Variants in CDC40 observed in about 807,000 individuals in gnomAD.
CDC40 encodes the protein pre-mRNA-processing factor 17.
A neutral mutation model predicts 80.6 loss-of-function variants in CDC40; 27 were observed. The ratio of observed to expected loss-of-function variants is 0.33; its 90% CI spans 0.25 to 0.46. The LOEUF is 0.46. CDC40 is among the 20% of genes least tolerant of loss of function. CDC40 has a pLI of 1.00. For missense variants in CDC40, 486 were observed against 694.1 expected (o/e 0.70, Z 3.37); for synonymous variants, 221 against 232.6 (o/e 0.95, Z 0.45).
chr6:110,182,501 G>T (rs900863443), intron 1 of CDC40, among the ~76,000 whole-genome samples: 1 of 152,144 alleles, frequency 6.6e-6, no homozygotes, highest in Admixed American at 6.5e-5. Flanking sequence ...AGTTGAAGCC[G>T]AGAACAAAGA....
chr6:110,229,033 G>A, intron 14 of CDC40, 57 bp downstream of exon 14: 2 of 1,344,738 alleles, frequency 1.5e-6, no homozygotes, highest in Non-Finnish European at 2.1e-6. Context: ...ATAAACTGTT[G>A]TTGTACAAAT....
intron 1 of CDC40, among the ~76,000 whole-genome samples, chr6:110,182,511 A>G (rs75153891): frequency 0.073 from 11,087 of 152,270 alleles, 548 homozygotes; most frequent in African/African-American, 0.14. Flanking sequence ...GAGAACAAAG[A>G]AGGTATCCTT....
chr6:110,210,718 A>G lies in CDC40; in HGVS notation c.642A>G (p.Lys214=), dbSNP rs1354457799. The part of the protein sequence containing the change: ...DVAKPSEEEQ[K]ELDEITAKRQ... Reference sequence around the variant, plus strand: ...CTTAATTTTCTTAGGAAGAGCAAAAAGAATTGGATGAAATCACAGCAAAGA... The same window carrying G: ...CTTAATTTTCTTAGGAAGAGCAAAAGGAATTGGATGAAATCACAGCAAAGA... The change falls in exon 6 of 15, where the codon AAA becomes AAG. Residue 214 remains lysine (K), a synonymous_variant. Coordinates refer to ENST00000307731, the MANE Select transcript of CDC40 (RefSeq NM_015891.3). The G allele has an allele frequency of 1.7e-5, 26 of 1,557,534 alleles. No homozygotes were observed. The highest frequency in any genetic ancestry group is 2.3e-5 in the Non-Finnish European group (26 of 1,155,134).
intron 5 of CDC40, among the ~76,000 whole-genome samples, chr6:110,210,082 A>C (rs1382831410): frequency 6.6e-6 from 1 of 152,068 alleles, no homozygotes. Context: ...CTGAAACTAG[A>C]TTTTCTGATT....
intron 4 of CDC40, among the ~76,000 whole-genome samples, chr6:110,208,116 A>G (rs1249399123): frequency 6.6e-6 from 1 of 152,236 alleles, no homozygotes; most frequent in African/African-American, 2.4e-5. Flanking sequence ...AAGCCTCATC[A>G]GTCCATTAGA....
intron 1 of CDC40, among the ~76,000 whole-genome samples, chr6:110,192,691 G>T (rs935511790): frequency 6.6e-6 from 1 of 152,184 alleles, no homozygotes; most frequent in African/African-American, 2.4e-5. Context: ...TCTGGGGAAT[G>T]AATTTAAGAT....
chr6:110,202,219 A>G (rs1584070110), intron 3 of CDC40, among the ~76,000 whole-genome samples: 1 of 152,172 alleles, frequency 6.6e-6, no homozygotes, highest in Admixed American at 6.5e-5. Context: ...AACTGCTTGT[A>G]TAGAGGATTA....
At chr6:110,200,204 ATGT>A (rs1007789001) in intron 2 of CDC40, among the ~76,000 whole-genome samples, 22 of 152,250 alleles carry the variant, frequency 1.4e-4, no homozygotes, top group Non-Finnish European at 2.5e-4. Flanking sequence ...ATATATAGGA[ATGT>A]TGTAGCAATT....
chr6:110,226,019 C>T, intron 12 of CDC40, 148 bp from the exon 13 acceptor site: 1 of 582,032 alleles, frequency 1.7e-6, no homozygotes, highest in South Asian at 2.4e-5. Flanking sequence ...TGTGATTTTT[C>T]TTCTTCCAGA....
rs554172298 is a variant in CDC40 at position 110,193,561 on chromosome 6, CG to C, written c.276+294del. ...CTGGGACTACAGGCGCCCACCACCA[CG>C]CCTGGCTAATTTTTTTGTATTTTTA... On this transcript the variant is annotated intron_variant, in intron 2 of 14. Coordinates refer to ENST00000307731, the MANE Select transcript of CDC40 (RefSeq NM_015891.3). Among the ~76,000 whole-genome samples the C allele has an allele frequency of 5.2e-3, 795 of 152,178 alleles. 9 individuals are homozygous for C. The highest frequency in any genetic ancestry group is 0.019 in the African/African-American group (774 of 41,534).
Position 110,210,694 on chromosome 6 carries a change from T to G in CDC40, c.631-13T>G. On this transcript the variant is annotated splice_polypyrimidine_tract_variant and intron_variant, in intron 5 of 14. Coordinates refer to ENST00000307731, the MANE Select transcript of CDC40 (RefSeq NM_015891.3). ...GAACATTCATTTTAAATTTCACTCC[T>G]TAATTTTCTTAGGAAGAGCAAAAAG... The G allele has an allele frequency of 6.7e-7, 1 of 1,482,116 alleles. No homozygotes were observed. The highest frequency in any genetic ancestry group is 1.4e-5 in the African/African-American group (1 of 69,538). The allele number at this position is 1,482,116 out of a possible 1,614,324, so 91.8% of individuals were successfully genotyped here. A position where few individuals can be genotyped will look rare whatever the true frequency, so the allele number is the denominator to read the frequency against.
intron 1 of CDC40, among the ~76,000 whole-genome samples, chr6:110,181,678 C>T (rs1777196620): frequency 6.6e-6 from 1 of 152,190 alleles, no homozygotes; most frequent in Non-Finnish European, 1.5e-5. Flanking sequence ...TGAGTCTTCT[C>T]CTTTCACAGC....
At chr6:110,232,232 A>ATGTTCATCT (rs1294331299), downstream of CDC40, 3 of 152,560 alleles carry the variant, frequency 2.0e-5, no homozygotes, top group East Asian at 5.8e-4. Flanking sequence ...TGCTATCAAA[A>ATGTTCATCT]TGTTCATCTT....
At chr6:110,191,666 C>A (rs923997586) in intron 1 of CDC40, among the ~76,000 whole-genome samples, 4 of 152,140 alleles carry the variant, frequency 2.6e-5, no homozygotes, top group African/African-American at 9.7e-5. Context: ...AGTATAGAGA[C>A]CCCAAGGCAG....
At chr6:110,188,334 A>G (rs567538180) in intron 1 of CDC40, among the ~76,000 whole-genome samples, 3 of 152,300 alleles carry the variant, frequency 2.0e-5, no homozygotes, top group Admixed American at 6.5e-5. Context: ...TAAGCGGGAA[A>G]AGCATTTAAT....
intron 1 of CDC40, among the ~76,000 whole-genome samples, chr6:110,182,446 TTC>T (rs1366483183): frequency 1.3e-5 from 2 of 152,330 alleles, no homozygotes; most frequent in Non-Finnish European, 2.9e-5. Flanking sequence ...CAAAATCCAC[TTC>T]TGTTTTTCCT....
chr6:110,195,464 C>T (rs1236734762), intron 2 of CDC40, among the ~76,000 whole-genome samples: 1 of 152,088 alleles, frequency 6.6e-6, no homozygotes, highest in Non-Finnish European at 1.5e-5. Context: ...GCAATTCAAT[C>T]CAGGTCAAGA....
At chr6:110,213,633 T>A (rs1455655487) in intron 8 of CDC40, among the ~76,000 whole-genome samples, 4 of 152,224 alleles carry the variant, frequency 2.6e-5, no homozygotes, top group Admixed American at 6.5e-5. Context: ...TCACTAATCA[T>A]TATAGAGATT....
In CDC40 at chr6:110,219,421, C is replaced by T. The variant is rs1777740317; in HGVS notation, c.1148C>T (p.Pro383Leu). ...RKVPYCVKFN[P>L]DEDKQNLFVA... The stretch of plus-strand genomic sequence containing the variant: ...GTACCTTATTGTGTCAAATTCAATC[C>T]TGATGAAGATAAGCAAAATCTCTTT... The change falls in exon 11 of 15, where the codon CCT becomes CTT. Residue 383 changes from proline (P) to leucine (L), a missense_variant. Around this residue, in one of 3 missense-constraint regions of CDC40, gnomAD observed 381 missense variants for 492.1 expected, o/e 0.77. Coordinates refer to ENST00000307731, the MANE Select transcript of CDC40 (RefSeq NM_015891.3). 3 of 1,610,460 alleles carry T rather than the reference C, an allele frequency of 1.9e-6. No individual in the cohort carries two copies. The highest frequency in any genetic ancestry group is 2.5e-6 in the Non-Finnish European group (3 of 1,177,220).
Sources: gnomAD v4.1 joint callset for allele counts (sites outside exome capture counted in the v4.1 genomes callset) on GRCh38, gnomAD v4.1.1 for gene constraint, gnomAD v4.1.1 regional missense constraint, MANE v1.5 for transcripts, NCBI Gene and HGNC (gene_info 2026-07-23, HGNC 2026-07-21) for gene names.